Variants in ZNF257 observed in about 807,000 individuals in gnomAD.
ZNF257 encodes the protein zinc finger protein 257.
ZNF257 carries 12 observed loss-of-function variants against 11.9 expected under a neutral mutation model. The observed-to-expected ratio is 1.01, with a 90% CI of 0.65 to 1.63. The LOEUF is 1.63. Among genes scored for constraint, ZNF257 ranks in the 40% most tolerant of loss-of-function variants. The pLI, the probability that ZNF257 is intolerant of heterozygous loss-of-function variation, is 0.00. For synonymous variants in ZNF257, 183 were observed against 222.7 expected (o/e 0.82, Z 1.59); for missense variants, 580 against 665.5 (o/e 0.87, Z 1.41).
chr19:22,068,565 C>G (rs995818846), intron 1 of ZNF257, among the ~76,000 whole-genome samples: 1 of 152,062 alleles, frequency 6.6e-6, no homozygotes, highest in African/African-American at 2.4e-5. Flanking sequence ...CTTAAAGCCC[C>G]CCTTTGATAG....
Position 22,088,622 on chromosome 19 carries a change from G to A in ZNF257, c.872G>A (p.Cys291Tyr). The stretch of plus-strand genomic sequence containing the variant: ...AAGCCCTTCAAATATGATGAATGTT[G>A]CAAAGCCTTTAAGTGGTCCTCAGCT... ...REKPFKYDEC[C>Y]KAFKWSSALT... The change falls in exon 4 of 4, where the codon TGC becomes TAC. Residue 291 changes from cysteine (C) to tyrosine (Y), a missense_variant. Cys to Tyr is a radical substitution (Grantham distance 194). Transcript: ENST00000594947. The A allele has an allele frequency of 6.2e-7, 1 of 1,611,898 alleles. No individual in the cohort carries two copies. Among genetic ancestry groups the A allele is most frequent in the Non-Finnish European group, 8.5e-7 (1 of 1,179,614 alleles).
chr19:22,082,976 T>G (rs2022393729), intron 3 of ZNF257, among the ~76,000 whole-genome samples: 1 of 152,270 alleles, frequency 6.6e-6, no homozygotes, highest in South Asian at 2.1e-4. Context: ...TTTATAAATA[T>G]TATCCCTGTG....
At chr19:22,075,015 T>G (rs1404527150) in intron 3 of ZNF257, among the ~76,000 whole-genome samples, 4 of 152,164 alleles carry the variant, frequency 2.6e-5, no homozygotes, top group African/African-American at 7.2e-5. Flanking sequence ...CCTCTTCAAG[T>G]TTCTATAAAC....
chr19:22,055,489 A>G (rs1568478265), intron 1 of ZNF257, among the ~76,000 whole-genome samples: 1 of 151,978 alleles, frequency 6.6e-6, no homozygotes, highest in Non-Finnish European at 1.5e-5. Flanking sequence ...TACAGGCGTG[A>G]GCCACCGTGC....
chr19:22,067,886 C>T (rs939292951), intron 1 of ZNF257, among the ~76,000 whole-genome samples: 7 of 151,230 alleles, frequency 4.6e-5, no homozygotes, highest in African/African-American at 1.5e-4. Flanking sequence ...GTCTCCCCCC[C>T]GCTTGAGCTA....
intron 3 of ZNF257, among the ~76,000 whole-genome samples, chr19:22,084,030 T>G (rs1381209609): frequency 6.6e-6 from 1 of 151,732 alleles, no homozygotes; most frequent in East Asian, 1.9e-4. Flanking sequence ...ATCCTAGCTA[T>G]TCGGGGGGCC....
chr19:22,079,785 T>C (rs974903187), intron 3 of ZNF257, among the ~76,000 whole-genome samples: 3 of 152,162 alleles, frequency 2.0e-5, no homozygotes, highest in Non-Finnish European at 4.4e-5. Flanking sequence ...AATGATTGTA[T>C]TAAATTTGTT....
chr19:22,070,021 T>A (rs2043315), intron 1 of ZNF257, among the ~76,000 whole-genome samples: 3 of 151,946 alleles, frequency 2.0e-5, no homozygotes, highest in Non-Finnish European at 4.4e-5. Context: ...CCTCAGATAA[T>A]TGATTTAATA....
At chr19:22,055,783 C>T (rs1040795034) in intron 1 of ZNF257, among the ~76,000 whole-genome samples, 1 of 151,950 alleles carries the variant, frequency 6.6e-6, no homozygotes, top group African/African-American at 2.4e-5. Flanking sequence ...GAATTGTTTT[C>T]GGCCGGGCGC....
At chr19:22,087,060 C>T (rs1327900505) in intron 3 of ZNF257, among the ~76,000 whole-genome samples, 3 of 151,258 alleles carry the variant, frequency 2.0e-5, no homozygotes, top group Admixed American at 6.6e-5. Context: ...TTCTGATTTT[C>T]AGTAGTTGTC....
chr19:22,084,094 C>T (rs1264178747), intron 3 of ZNF257, among the ~76,000 whole-genome samples: 3 of 150,572 alleles, frequency 2.0e-5, no homozygotes, highest in Non-Finnish European at 4.4e-5. Flanking sequence ...GAGCTGAGAT[C>T]GCGCCATCGC....
intron 1 of ZNF257, among the ~76,000 whole-genome samples, chr19:22,054,849 G>A (rs972495473): frequency 1.3e-5 from 2 of 151,578 alleles, no homozygotes; most frequent in Non-Finnish European, 2.9e-5. Context: ...ATTTCCTGGG[G>A]ATAAACCAAG....
chr19:22,065,806 G>A (rs1311774495), intron 1 of ZNF257: 1 of 152,172 alleles, frequency 6.6e-6, no homozygotes, highest in Non-Finnish European at 1.5e-5. Context: ...TATGAACAGA[G>A]AGGGATTCCA....
At chr19:22,085,455 C>T (rs915758213) in intron 3 of ZNF257, among the ~76,000 whole-genome samples, 4 of 152,038 alleles carry the variant, frequency 2.6e-5, no homozygotes, top group African/African-American at 7.3e-5. Flanking sequence ...GCTATTGCAA[C>T]GGGTGTGTTT....
Position 22,065,040 on chromosome 19 carries a change from C to T in ZNF257, c.4-7769C>T, listed in dbSNP as rs560082518. Among the ~76,000 whole-genome samples, 220 of 142,310 alleles carry T rather than the reference C, an allele frequency of 1.5e-3. 3 individuals are homozygous for T. The South Asian group carries it at 0.017, about 11-fold the overall frequency. 93.4% of individuals were successfully genotyped at this position (142,310 alleles called of 152,430 possible). ...TTGCACTCCAGCCTGGGCGAAAGAA[C>T]GAGACTCCGCCTCAAAAAAAAAAAA... On this transcript the variant is annotated intron_variant, in intron 1 of 3. Coordinates refer to ENST00000594947, the MANE Select transcript of ZNF257 (RefSeq NM_033468.4).
intron 1 of ZNF257, among the ~76,000 whole-genome samples, chr19:22,062,243 T>TTTTTTTA (rs2021820545): frequency 1.4e-5 from 2 of 143,728 alleles, no homozygotes; most frequent in African/African-American, 5.7e-5. Flanking sequence ...TTTTTTTTTT[T>TTTTTTTA]GAGACGGAGT....
At chr19:22,054,647 TCCATG>T (rs2021577310) in intron 1 of ZNF257, among the ~76,000 whole-genome samples, 1 of 152,204 alleles carries the variant, frequency 6.6e-6, no homozygotes, top group South Asian at 2.1e-4. Flanking sequence ...GTAAATACTT[TCCATG>T]GGAAGAAAGC....
Position 22,088,130 on chromosome 19 carries a change from AAGG to A in ZNF257, c.384_386del (p.Gly129del), listed in dbSNP as rs767125788. The A allele has an allele frequency of 1.2e-6, 2 of 1,610,770 alleles. No homozygotes were observed. The highest frequency in any genetic ancestry group is 1.7e-5 in the Admixed American group (1 of 59,582). ...AGTGTGGATGAGTGTAAGGTGTGCAAAGGAGGTTATAATGGACTTAACCAATGT... is the reference window on the plus strand; with the variant it reads ...AGTGTGGATGAGTGTAAGGTGTGCAAAGGTTATAATGGACTTAACCAATGT... On this transcript the variant is annotated inframe_deletion, in exon 4 of 4. Transcript: ENST00000594947.
chr19:22,085,389 A>T (rs2022453763), intron 3 of ZNF257, among the ~76,000 whole-genome samples: 1 of 152,140 alleles, frequency 6.6e-6, no homozygotes, highest in African/African-American at 2.4e-5. Context: ...GTTTTAAAAC[A>T]CTTGTTAAGA....
Sources: gnomAD v4.1 joint callset for allele counts (sites outside exome capture counted in the v4.1 genomes callset) on GRCh38, gnomAD v4.1.1 for gene constraint, MANE v1.5 for transcripts, NCBI Gene and HGNC (gene_info 2026-07-23, HGNC 2026-07-21) for gene names.